GPD2: variants seen among roughly 807,000 people sequenced by gnomAD.
The protein encoded by GPD2 is glycerol-3-phosphate dehydrogenase, mitochondrial.
In GPD2, 54 loss-of-function variants were observed where a neutral mutation model predicts 82.4. That is an observed-to-expected ratio of 0.66 (90% confidence interval 0.53 to 0.82). GPD2 has a LOEUF of 0.82. GPD2 is among the 40% of genes least tolerant of loss of function. The pLI, the probability that GPD2 is intolerant of heterozygous loss-of-function variation, is 0.00. For missense variants in GPD2, 748 were observed against 896.2 expected (o/e 0.83, Z 2.11); for synonymous variants, 288 against 306.1 (o/e 0.94, Z 0.62).
At chr2:156,532,463 C>G (rs1685904846) in intron 6 of GPD2, among the ~76,000 whole-genome samples, 1 of 152,132 alleles carries the variant, frequency 6.6e-6, no homozygotes, top group Admixed American at 6.5e-5. Flanking sequence ...TGCTCCCCCA[C>G]CATTAAATTT....
intron 6 of GPD2, among the ~76,000 whole-genome samples, chr2:156,536,865 G>C (rs906868868): frequency 1.3e-5 from 2 of 152,232 alleles, no homozygotes; most frequent in African/African-American, 4.8e-5. Flanking sequence ...GATCCATGGA[G>C]TCAAATGCAT....
At chr2:156,566,670 A>G (rs1012335269) in intron 9 of GPD2, among the ~76,000 whole-genome samples, 17 of 152,088 alleles carry the variant, frequency 1.1e-4, no homozygotes, top group Middle Eastern at 3.2e-3. Context: ...AATGCTATGA[A>G]CAAGGTTGTA....
chr2:156,481,499 C>G (rs1344246519), intron 2 of GPD2, among the ~76,000 whole-genome samples: 1 of 151,962 alleles, frequency 6.6e-6, no homozygotes, highest in Non-Finnish European at 1.5e-5. Context: ...CAGTTCTACT[C>G]TCTATTTCTA....
At chr2:156,485,016 TTGTCTTTCAG>T (rs1469792707) in intron 2 of GPD2, among the ~76,000 whole-genome samples, 2 of 152,218 alleles carry the variant, frequency 1.3e-5, no homozygotes, top group East Asian at 3.8e-4. Context: ...CATACAGTAT[TTGTCTTTCAG>T]TGTCTGGCTT....
In GPD2 at chr2:156,450,682, T is replaced by TTA. The variant is rs3055086; in HGVS notation, c.-9+14169_-9+14170insTA. Among the ~76,000 whole-genome samples, 11 of 112,446 alleles carry TTA rather than the reference T, an allele frequency of 9.8e-5. 1 individual carries two copies. Among genetic ancestry groups the TTA allele is most frequent in the Admixed American group, 3.0e-4 (3 of 10,024 alleles). The allele number at this position is 112,446 out of a possible 152,430, so 73.8% of individuals were successfully genotyped here. A position where few individuals can be genotyped will look rare whatever the true frequency, so the allele number is the denominator to read the frequency against. ...AGACAACTCTTTTTTTTTTTTTTTTTATTGCTCATTCTTGGGTGTTTCTCG... is the reference window on the plus strand; with the variant it reads ...AGACAACTCTTTTTTTTTTTTTTTTTTAATTGCTCATTCTTGGGTGTTTCTCG... On this transcript the variant is annotated intron_variant, in intron 1 of 16. Coordinates refer to ENST00000438166, the MANE Select transcript of GPD2 (RefSeq NM_000408.5).
chr2:156,420,649 A>G, the GPD2 span, among the ~76,000 whole-genome samples: 1 of 152,242 alleles, frequency 6.6e-6, no homozygotes, highest in Non-Finnish European at 1.5e-5. Flanking sequence ...TTTAGCATCT[A>G]TTGATCATAC....
rs763678533 is a variant in GPD2, at chr2:156,569,383, C to T, written c.1321C>T (p.Arg441Trp). 21 of 1,609,288 alleles carry T rather than the reference C, an allele frequency of 1.3e-5. No homozygotes were observed. Among genetic ancestry groups the T allele is most frequent in the African/African-American group, 1.3e-5 (1 of 74,748 alleles). The change falls in exon 11 of 17, where the codon CGG becomes TGG. Residue 441 changes from arginine to tryptophan, a missense_variant. By Grantham distance (101) the Arg-to-Trp change is moderately radical. This residue lies in a region of GPD2 where 692 missense variants were observed against 809.7 expected (regional missense o/e 0.85). Transcript: ENST00000438166. ...TATAGGTGGAAAGTGGACAACTTAT[C>T]GGTCTATGGCAGAAGATACCATAAA... ...TIAGGKWTTYRSMAEDTINAA... is the reference protein window; with the variant it reads ...TIAGGKWTTYWSMAEDTINAA...
intron 1 of GPD2, among the ~76,000 whole-genome samples, chr2:156,440,775 A>G (rs1171053177): frequency 6.6e-6 from 1 of 152,224 alleles, no homozygotes; most frequent in Non-Finnish European, 1.5e-5. Context: ...CTCAAGTACA[A>G]ATGTATTGTG....
At chr2:156,466,849 T>G (rs1458352217) in intron 1 of GPD2, among the ~76,000 whole-genome samples, 1 of 152,236 alleles carries the variant, frequency 6.6e-6, no homozygotes, top group Non-Finnish European at 1.5e-5. Context: ...TTGCATTTTT[T>G]GAACTCTGCC....
At chr2:156,451,634 A>C (rs1163230369) in intron 1 of GPD2, among the ~76,000 whole-genome samples, 4 of 120,568 alleles carry the variant, frequency 3.3e-5, no homozygotes, top group East Asian at 5.7e-4. Flanking sequence ...ACTTCCCAGT[A>C]GGGGCGGCTG....
chr2:156,519,271 AT>A lies in GPD2; in HGVS notation c.661+5779del, dbSNP rs201764079. On this transcript the variant is annotated intron_variant, in intron 6 of 16. Coordinates refer to ENST00000438166, the MANE Select transcript of GPD2 (RefSeq NM_000408.5). ...TTCTTTGATAATTGGCTATTTAAAT[AT>A]TTTCAAGATAGATGTGTTTAGTGAG... 4.2e-3 allele frequency among the ~76,000 whole-genome samples: 634 copies of A among 152,158 alleles called. 4 individuals are homozygous for A. Among genetic ancestry groups the A allele is most frequent in the African/African-American group, 0.015 (615 of 41,498 alleles).
intron 11 of GPD2, 76 bp downstream of exon 11, chr2:156,569,614 C>T: frequency 1.0e-6 from 1 of 983,074 alleles, no homozygotes; most frequent in Non-Finnish European, 1.6e-6. Context: ...TGGCAGCAAT[C>T]AGGTCTCCCT....
At chr2:156,470,579 G>A (rs909339052) in intron 1 of GPD2, among the ~76,000 whole-genome samples, 3 of 152,190 alleles carry the variant, frequency 2.0e-5, no homozygotes, top group African/African-American at 4.8e-5. Flanking sequence ...GAGATGAGTA[G>A]GAGAGTGAGT....
the GPD2 span, among the ~76,000 whole-genome samples, chr2:156,400,599 G>A: frequency 1.8e-4 from 28 of 152,250 alleles, 1 homozygote; most frequent in Admixed American, 1.8e-3. Flanking sequence ...CTCGTTGCGC[G>A]AGGTCTGAAT....
rs569913965 is a variant in GPD2 at position 156,447,896 on chromosome 2, A to T, written c.-9+11383A>T. On this transcript the variant is annotated intron_variant, in intron 1 of 16. Transcript: ENST00000438166. Reference sequence around the variant, plus strand: ...CAAGTTCATCAATATCCCTGATTTCAGTCAATCCCAAGTCAACATTCTTGG... The same window carrying T: ...CAAGTTCATCAATATCCCTGATTTCTGTCAATCCCAAGTCAACATTCTTGG... 8.5e-5 allele frequency among the ~76,000 whole-genome samples: 13 copies of T among 152,276 alleles called. No homozygotes were observed. The South Asian group carries it at 2.3e-3, about 27-fold the overall frequency.
intron 3 of GPD2, among the ~76,000 whole-genome samples, chr2:156,498,176 C>T (rs1020025038): frequency 6.6e-6 from 1 of 152,114 alleles, no homozygotes; most frequent in African/African-American, 2.4e-5. Context: ...TTTAGTTTTA[C>T]AAATATATGC....
At chr2:156,474,119 A>G (rs1388790619) in intron 1 of GPD2, among the ~76,000 whole-genome samples, 1 of 152,040 alleles carries the variant, frequency 6.6e-6, no homozygotes, top group Non-Finnish European at 1.5e-5. Context: ...ACAAGCTCAA[A>G]CTCCTGGGCT....
At chr2:156,400,841 A>T in the GPD2 span, among the ~76,000 whole-genome samples, 1 of 152,154 alleles carries the variant, frequency 6.6e-6, no homozygotes, top group Non-Finnish European at 1.5e-5. Context: ...GGCATCTCCA[A>T]ATCAGCCGAC....
At chr2:156,491,122 C>A (rs961696033) in intron 2 of GPD2, among the ~76,000 whole-genome samples, 2 of 152,192 alleles carry the variant, frequency 1.3e-5, no homozygotes, top group Non-Finnish European at 2.9e-5. Context: ...CATTCCCAGA[C>A]CCTGGCAACC....
Sources: allele counts gnomAD v4.1 joint callset (sites outside exome capture counted in the v4.1 genomes callset), GRCh38; gene constraint gnomAD v4.1.1; regional missense constraint gnomAD v4.1.1; transcripts MANE v1.5; gene names NCBI Gene and HGNC (gene_info 2026-07-23, HGNC 2026-07-21).